The following LGSN variants were observed in gnomAD, a reference collection of about 807,000 sequenced individuals.
The protein encoded by LGSN is lengsin.
In LGSN, 21 loss-of-function variants were observed where a neutral mutation model predicts 19.5. That is an observed-to-expected ratio of 1.07 (90% confidence interval 0.76 to 1.55). The LOEUF is 1.55. Ranked by LOEUF, LGSN falls within the 40% of genes most tolerant of loss-of-function variation. The pLI is 0.00. For missense variants in LGSN, 673 were observed against 608.5 expected (o/e 1.11, Z -1.12); for synonymous variants, 257 against 215.6 (o/e 1.19, Z -1.68).
chr6:63,513,368 A>C, the LGSN span, among the ~76,000 whole-genome samples: 1 of 152,012 alleles, frequency 6.6e-6, no homozygotes, highest in Non-Finnish European at 1.5e-5. Flanking sequence ...GTAATTATCC[A>C]ACAAAGTGTT....
At chr6:63,412,529 G>GAAAGAAAGAAGGAAA in the LGSN span, among the ~76,000 whole-genome samples, 103 of 32,368 alleles carry the variant, frequency 3.2e-3, 1 homozygote, top group Middle Eastern at 0.028. Context: ...AAAGAAAGAA[G>GAAAGAAAGAAGGAAA]GAAAGAAAGA....
the LGSN span, among the ~76,000 whole-genome samples, chr6:63,367,967 G>C: frequency 6.6e-6 from 1 of 151,790 alleles, no homozygotes; most frequent in Non-Finnish European, 1.5e-5. Context: ...GGGAGGGATA[G>C]CATTAGGAGA....
the LGSN span, among the ~76,000 whole-genome samples, chr6:63,489,769 C>A: frequency 6.6e-6 from 1 of 152,156 alleles, no homozygotes; most frequent in Non-Finnish European, 1.5e-5. Flanking sequence ...TGCAATGGCA[C>A]AATCTTGGCT....
the LGSN span, among the ~76,000 whole-genome samples, chr6:63,565,592 C>G: frequency 2.0e-5 from 3 of 152,092 alleles, no homozygotes; most frequent in Admixed American, 6.6e-5. Context: ...TCTGTAGTAC[C>G]CTCCTAGGTG....
chr6:63,386,887 G>A, the LGSN span, among the ~76,000 whole-genome samples: 2 of 152,110 alleles, frequency 1.3e-5, no homozygotes, highest in Non-Finnish European at 2.9e-5. Flanking sequence ...GATCACCTGA[G>A]GACAGGAGCT....
chr6:63,560,350 A>G, the LGSN span, among the ~76,000 whole-genome samples: 1 of 151,236 alleles, frequency 6.6e-6, no homozygotes, highest in Admixed American at 6.6e-5. Context: ...AAAAAAAAAA[A>G]AAAAAAAGAA....
the LGSN span, among the ~76,000 whole-genome samples, chr6:63,489,292 T>A: frequency 6.6e-6 from 1 of 152,226 alleles, no homozygotes; most frequent in Non-Finnish European, 1.5e-5. Flanking sequence ...TTTAAATTTC[T>A]GCTGGAAGTA....
the LGSN span, among the ~76,000 whole-genome samples, chr6:63,386,351 T>C: frequency 6.6e-6 from 1 of 152,220 alleles, no homozygotes; most frequent in African/African-American, 2.4e-5. Context: ...ATCCAGCCAT[T>C]GAGAATATCA....
At chr6:63,508,317 C>A in the LGSN span, among the ~76,000 whole-genome samples, 1 of 152,062 alleles carries the variant, frequency 6.6e-6, no homozygotes, top group African/African-American at 2.4e-5. Flanking sequence ...GGCTGAAGAA[C>A]AAAGTAGTAG....
At chr6:63,509,219 C>A in the LGSN span, among the ~76,000 whole-genome samples, 1 of 151,792 alleles carries the variant, frequency 6.6e-6, no homozygotes, top group African/African-American at 2.4e-5. Flanking sequence ...CGCACACCAC[C>A]ACTTCTGGCT....
At chr6:63,421,698 A>G in the LGSN span, among the ~76,000 whole-genome samples, 2 of 152,310 alleles carry the variant, frequency 1.3e-5, no homozygotes, top group Middle Eastern at 3.4e-3. Context: ...ACTGCACCCC[A>G]GCCTGGCGAC....
the LGSN span, among the ~76,000 whole-genome samples, chr6:63,405,034 C>G: frequency 6.8e-6 from 1 of 147,806 alleles, no homozygotes; most frequent in African/African-American, 2.5e-5. Context: ...CAATTCCCAC[C>G]TATGAGTGAG....
chr6:63,536,168 C>T, the LGSN span, among the ~76,000 whole-genome samples: 4 of 152,032 alleles, frequency 2.6e-5, no homozygotes, highest in Non-Finnish European at 4.4e-5. Flanking sequence ...CACGTCTCTA[C>T]CAAAATACAA....
At chr6:63,507,503 A>G in the LGSN span, among the ~76,000 whole-genome samples, 16 of 152,246 alleles carry the variant, frequency 1.1e-4, no homozygotes, top group East Asian at 3.1e-3. Flanking sequence ...ATCTGATAAC[A>G]TCCTGATGAG....
intron 1 of LGSN, among the ~76,000 whole-genome samples, chr6:63,312,022 A>G (rs1043481746): frequency 1.9e-4 from 29 of 152,332 alleles, no homozygotes; most frequent in African/African-American, 6.7e-4. Context: ...TTCACTTAAC[A>G]TAATGTCCTC....
chr6:63,410,173 T>C, the LGSN span, among the ~76,000 whole-genome samples: 1 of 152,236 alleles, frequency 6.6e-6, no homozygotes, highest in Non-Finnish European at 1.5e-5. Flanking sequence ...CAATACATGT[T>C]ATCCTTTATA....
chr6:63,349,211 A>G, the LGSN span, among the ~76,000 whole-genome samples: 1 of 152,230 alleles, frequency 6.6e-6, no homozygotes, highest in Non-Finnish European at 1.5e-5. Flanking sequence ...TATTGACTTA[A>G]GTAAGATAAT....
the LGSN span, among the ~76,000 whole-genome samples, chr6:63,414,328 C>A: frequency 6.6e-6 from 1 of 152,246 alleles, no homozygotes; most frequent in African/African-American, 2.4e-5. Context: ...AATATCCCCC[C>A]ATTTCCTTGA....
chr6:63,363,271 C>T, the LGSN span, among the ~76,000 whole-genome samples: 21 of 152,224 alleles, frequency 1.4e-4, no homozygotes, highest in African/African-American at 3.4e-4. Flanking sequence ...GCTGAAAATT[C>T]TGAAAATCAG....
Sources: allele counts gnomAD v4.1 joint callset (sites outside exome capture counted in the v4.1 genomes callset), GRCh38; gene constraint gnomAD v4.1.1; transcripts MANE v1.5; gene names NCBI Gene and HGNC (gene_info 2026-07-23, HGNC 2026-07-21).